Variants in POM121C observed in about 807,000 individuals in gnomAD.
POM121C encodes nuclear envelope pore membrane protein POM 121C.
Under a neutral mutation model 66.4 loss-of-function variants are expected in POM121C, and 20 were observed. The observed-to-expected ratio is 0.30, with a 90% CI of 0.21 to 0.44. The LOEUF is 0.44. Among genes scored for constraint, POM121C ranks in the 20% least tolerant of loss-of-function variants. The probability of loss-of-function intolerance (pLI) is 1.00; values close to 1 mark genes in which losing one functional copy is unlikely to be tolerated. For missense variants in POM121C, 580 were observed against 1,225.7 expected, an observed-to-expected ratio of 0.47 and a Z score of 7.87; for synonymous variants, 286 against 528.0, an observed-to-expected ratio of 0.54 and a Z score of 6.28.
At chr7:75,429,755 A>C (rs587647013) in intron 7 of POM121C, among the ~76,000 whole-genome samples, 2 of 152,222 alleles carry the variant, frequency 1.3e-5, no homozygotes, top group African/African-American at 4.8e-5. Context: ...GTTCATGCCT[A>C]TAATTCCAGC....
chr7:75,447,601 T>G (rs1326254675), intron 3 of POM121C, among the ~76,000 whole-genome samples: 3 of 151,902 alleles, frequency 2.0e-5, no homozygotes, highest in Non-Finnish European at 4.4e-5. Flanking sequence ...TTAAGAAAGT[T>G]AAATAAACAT....
At position 75,439,188 on chromosome 7, in the gene POM121C, A is replaced by C; in HGVS notation, c.264T>G (p.Phe88Leu). The change falls in exon 6 of 15, where the codon TTT becomes TTG. Residue 88 changes from phenylalanine to leucine, a missense_variant. Transcript: ENST00000615331. ...GGACTCCACTGGCCACCAGGGGCTC[A>C]AATGCTGAATGTCCACTGCCACTGC... ...HDSSGSGHSA[F>L]EPLVASGVPA... The C allele has an allele frequency of 1.2e-6, 2 of 1,614,260 alleles. No individual in the cohort carries two copies. The highest frequency in any genetic ancestry group is 2.2e-5 in the South Asian group (2 of 91,092).
intron 7 of POM121C, among the ~76,000 whole-genome samples, chr7:75,429,671 A>C (rs1201031426): frequency 1.4e-5 from 2 of 145,782 alleles, no homozygotes; most frequent in African/African-American, 2.7e-5. Flanking sequence ...AATAAATCTA[A>C]TACAAGAGAA....
chr7:75,482,607 G>C (rs1792351833), intron 1 of POM121C, among the ~76,000 whole-genome samples: 1 of 152,244 alleles, frequency 6.6e-6, no homozygotes, highest in African/African-American at 2.4e-5. Flanking sequence ...AGAGGATCGT[G>C]TGGGCCCGGG....
At chr7:75,433,634 C>T (rs1428771478) in intron 7 of POM121C, among the ~76,000 whole-genome samples, 1 of 152,206 alleles carries the variant, frequency 6.6e-6, no homozygotes, top group Non-Finnish European at 1.5e-5. Flanking sequence ...GCTGGGATTA[C>T]AGGCGTGAGC....
intron 1 of POM121C, among the ~76,000 whole-genome samples, chr7:75,479,194 A>G (rs1454496140): frequency 6.6e-6 from 1 of 152,214 alleles, no homozygotes; most frequent in Non-Finnish European, 1.5e-5. Context: ...ATCAACTAGA[A>G]GAAATGTTAC....
intron 3 of POM121C, among the ~76,000 whole-genome samples, chr7:75,461,384 G>A (rs1286802097): frequency 1.3e-5 from 2 of 152,128 alleles, no homozygotes; most frequent in Non-Finnish European, 2.9e-5. Flanking sequence ...TTTGCCCATG[G>A]AAGATTCAGC....
Position 75,418,510 on chromosome 7 carries a change from C to T in POM121C, c.*286G>A, listed in dbSNP as rs3973323. The T allele has an allele frequency of 3.0e-4, 359 of 1,178,286 alleles. 3 individuals are homozygous for T. The highest frequency in any genetic ancestry group is 2.1e-3 in the Middle Eastern group (6 of 2,898). The allele number at this position is 1,178,286 out of a possible 1,614,324, so 73.0% of individuals were successfully genotyped here. A position where few individuals can be genotyped will look rare whatever the true frequency, so the allele number is the denominator to read the frequency against. On this transcript the variant is annotated 3_prime_UTR_variant, in exon 15 of 15. Transcript: ENST00000615331. ...AGGGTGCGCTAAGCGGGAGTCAGGGCAGCGGACACTATGTACAGGTCCTTA... is the reference window on the plus strand; with the variant it reads ...AGGGTGCGCTAAGCGGGAGTCAGGGTAGCGGACACTATGTACAGGTCCTTA...
At chr7:75,439,604 T>A (rs1790553059) in intron 5 of POM121C, among the ~76,000 whole-genome samples, 1 of 152,194 alleles carries the variant, frequency 6.6e-6, no homozygotes, top group Non-Finnish European at 1.5e-5. Context: ...CAGGCTGGTC[T>A]TGAGCTCCTG....
intron 1 of POM121C, among the ~76,000 whole-genome samples, chr7:75,476,589 C>T (rs587647308): frequency 9.2e-4 from 140 of 152,212 alleles, no homozygotes; most frequent in African/African-American, 3.2e-3. Flanking sequence ...AGCTTATCCA[C>T]AGGCAGGCCA....
chr7:75,465,651 G>T (rs1460109378), intron 3 of POM121C, among the ~76,000 whole-genome samples: 2 of 151,182 alleles, frequency 1.3e-5, no homozygotes, highest in Admixed American at 6.6e-5. Context: ...TACTCTGGAG[G>T]CTGAGGCAGG....
In POM121C at chr7:75,442,772, C is replaced by G. The variant is rs1472042671; in HGVS notation, c.-151-1125G>C. 34 of 1,299,872 alleles carry G rather than the reference C, an allele frequency of 2.6e-5. 2 individuals are homozygous for G. The South Asian group carries it at 7.1e-4, about 27-fold the overall frequency. 80.5% of individuals were successfully genotyped at this position (1,299,872 alleles called of 1,614,324 possible). On this transcript the variant is annotated intron_variant, in intron 3 of 14. Transcript: ENST00000615331. ...AAATATCCCAGCGTGCACCGCGCCA[C>G]GCGTCGCGTCATCGCGCGCCCGCCA...
In POM121C at chr7:75,456,974, C is replaced by T. The variant is rs587665556; in HGVS notation, c.-151-15327G>A. On this transcript the variant is annotated intron_variant, in intron 3 of 14. Coordinates refer to ENST00000615331, the MANE Select transcript of POM121C (RefSeq NM_001099415.3). The stretch of plus-strand genomic sequence containing the variant: ...CCAGCCTGGCCAACATGGTGAAACC[C>T]GACCTCTACTGCTAATACAAACATG... Among the ~76,000 whole-genome samples the T allele has an allele frequency of 4.0e-5, 6 of 149,590 alleles. No homozygotes were observed. The South Asian group carries it at 1.1e-3, about 27-fold the overall frequency.
intron 1 of POM121C, among the ~76,000 whole-genome samples, chr7:75,482,489 T>C (rs587679973): frequency 6.6e-6 from 1 of 151,770 alleles, no homozygotes; most frequent in East Asian, 1.9e-4. Flanking sequence ...AGCTCAGGAG[T>C]TCGACATGCA....
intron 3 of POM121C, among the ~76,000 whole-genome samples, chr7:75,444,269 G>C (rs1790762763): frequency 1.3e-5 from 1 of 78,524 alleles, no homozygotes; most frequent in Non-Finnish European, 2.8e-5. Context: ...GGGGGGGGGG[G>C]CGGAGGGGGG....
chr7:75,421,364 T>G (rs587695033), intron 13 of POM121C, 145 bp downstream of exon 13: 1 of 1,486,568 alleles, frequency 6.7e-7, no homozygotes, highest in South Asian at 1.4e-5. Context: ...TAGCAAAACA[T>G]GTATCATGCC....
intron 14 of POM121C, 145 bp from the exon 15 acceptor site, chr7:75,419,038 G>A (rs1378251853): frequency 1.6e-5 from 23 of 1,445,206 alleles, no homozygotes; most frequent in Admixed American, 8.5e-5. Context: ...AACACTGTAC[G>A]GGAGGAGCCT....
Position 75,419,325 on chromosome 7 carries a change from G to A in POM121C, c.2861C>T (p.Pro954Leu), listed in dbSNP as rs1554470262. The A allele has an allele frequency of 1.6e-5, 25 of 1,611,300 alleles. No homozygotes were observed. Among genetic ancestry groups the A allele is most frequent in the Non-Finnish European group, 2.0e-5 (23 of 1,178,884 alleles). ...CAGGGTGGCTTGCTGCTTACCGAACGGTCCAACACCAACAAAGCCTTGGGC... is the reference window on the plus strand; with the variant it reads ...CAGGGTGGCTTGCTGCTTACCGAACAGTCCAACACCAACAAAGCCTTGGGC... ...APAQGFVGVGPFGSAAPSFSI... is the reference protein window; with the variant it reads ...APAQGFVGVGLFGSAAPSFSI... The change falls in exon 14 of 15, where the codon CCG becomes CTG. Residue 954 changes from proline to leucine, a missense_variant. Coordinates refer to ENST00000615331, the MANE Select transcript of POM121C (RefSeq NM_001099415.3).
At chr7:75,429,150 A>G (rs1177897009) in intron 7 of POM121C, among the ~76,000 whole-genome samples, 6 of 152,234 alleles carry the variant, frequency 3.9e-5, no homozygotes, top group African/African-American at 1.4e-4. Flanking sequence ...AGCCAAGTGC[A>G]GTAAGACATA....
Sources: allele counts gnomAD v4.1 joint callset (sites outside exome capture counted in the v4.1 genomes callset), GRCh38; gene constraint gnomAD v4.1.1; transcripts MANE v1.5; gene names NCBI Gene and HGNC (gene_info 2026-07-23, HGNC 2026-07-21).